NMNAT3: variants seen among roughly 807,000 people sequenced by gnomAD.
NMNAT3 encodes nicotinamide/nicotinic acid mononucleotide adenylyltransferase 3.
A neutral mutation model predicts 24.8 loss-of-function variants in NMNAT3; 21 were observed. That is an observed-to-expected ratio of 0.85 (90% confidence interval 0.60 to 1.22). The LOEUF (loss-of-function observed/expected upper bound fraction) is 1.22, where lower values mean the gene tolerates loss of function less well. Among genes scored for constraint, NMNAT3 ranks in the 50% most tolerant of loss-of-function variants. The probability of loss-of-function intolerance (pLI) is 0.00; values close to 1 mark genes in which losing one functional copy is unlikely to be tolerated. For missense variants in NMNAT3, 387 were observed against 436.6 expected (o/e 0.89, Z 1.01); for synonymous variants, 136 against 155.2 (o/e 0.88, Z 0.92).
chr3:139,606,534 G>A (rs948011177), intron 3 of NMNAT3, among the ~76,000 whole-genome samples: 3 of 152,162 alleles, frequency 2.0e-5, no homozygotes, highest in Non-Finnish European at 4.4e-5. Context: ...CTGCGTATCT[G>A]TAAATAATAT....
At chr3:139,662,040 G>A (rs1009775344) in intron 1 of NMNAT3, among the ~76,000 whole-genome samples, 7 of 152,142 alleles carry the variant, frequency 4.6e-5, no homozygotes, top group African/African-American at 1.7e-4. Context: ...CAAGAAGCAA[G>A]TGTGTCCCAT....
At chr3:139,575,561 T>C (rs1939173868) in intron 5 of NMNAT3, 11 of 992,810 alleles carry the variant, frequency 1.1e-5, no homozygotes, top group Non-Finnish European at 1.3e-5. Context: ...TAAAAGGTGG[T>C]GGTGATTCTC....
intron 5 of NMNAT3, among the ~76,000 whole-genome samples, chr3:139,575,432 A>G (rs1939152609): frequency 6.6e-6 from 1 of 152,056 alleles, no homozygotes. Flanking sequence ...GTATTTTACA[A>G]CCCTTTCTGA....
chr3:139,660,626 T>A (rs2057384846), intron 1 of NMNAT3, among the ~76,000 whole-genome samples: 1 of 152,204 alleles, frequency 6.6e-6, no homozygotes, highest in African/African-American at 2.4e-5. Flanking sequence ...AACCAGAACT[T>A]GGGCAAAACC....
intron 3 of NMNAT3, among the ~76,000 whole-genome samples, chr3:139,607,946 T>C (rs72973903): frequency 2.5e-3 from 380 of 152,338 alleles, no homozygotes; most frequent in African/African-American, 8.3e-3. Context: ...TCTTTAGGAA[T>C]ATTTATACAG....
intron 1 of NMNAT3, among the ~76,000 whole-genome samples, chr3:139,674,406 G>A (rs1288466351): frequency 6.6e-6 from 1 of 152,102 alleles, no homozygotes; most frequent in East Asian, 1.9e-4. Flanking sequence ...GCCATCCTGA[G>A]GCCTGCCCCG....
At chr3:139,624,259 T>C (rs1477516878) in intron 3 of NMNAT3, among the ~76,000 whole-genome samples, 5 of 152,206 alleles carry the variant, frequency 3.3e-5, no homozygotes, top group Non-Finnish European at 7.3e-5. Flanking sequence ...GTTTTCACTT[T>C]CATTGAGTTC....
At chr3:139,641,993 A>G (rs1317254660) in intron 1 of NMNAT3, among the ~76,000 whole-genome samples, 1 of 152,200 alleles carries the variant, frequency 6.6e-6, no homozygotes, top group Non-Finnish European at 1.5e-5. Flanking sequence ...TGAGATGCAA[A>G]AGAAAGTACC....
chr3:139,572,775 G>A (rs1045447779), intron 6 of NMNAT3, among the ~76,000 whole-genome samples: 6 of 152,172 alleles, frequency 3.9e-5, no homozygotes, highest in African/African-American at 1.4e-4. Context: ...TCTCTTTCTT[G>A]TAGAATCACA....
At chr3:139,649,328 A>AACAAACAG (rs1303376292) in intron 1 of NMNAT3, among the ~76,000 whole-genome samples, 7 of 151,718 alleles carry the variant, frequency 4.6e-5, no homozygotes, top group Admixed American at 2.0e-4. Flanking sequence ...AAAGAAAACA[A>AACAAACAG]ACAAACAAAC....
intron 1 of NMNAT3, among the ~76,000 whole-genome samples, chr3:139,665,354 C>A (rs188278257): frequency 6.6e-6 from 1 of 152,276 alleles, no homozygotes; most frequent in African/African-American, 2.4e-5. Flanking sequence ...TGCCTCCCTC[C>A]CTCCTTCTTC....
At chr3:139,578,545 C>G (rs1939662750) in intron 5 of NMNAT3, among the ~76,000 whole-genome samples, 2 of 152,182 alleles carry the variant, frequency 1.3e-5, no homozygotes, top group African/African-American at 4.8e-5. Flanking sequence ...AAATATGTCT[C>G]AGAGGCTTCA....
At chr3:139,591,933 C>A (rs1269136546) in intron 3 of NMNAT3, among the ~76,000 whole-genome samples, 1 of 152,212 alleles carries the variant, frequency 6.6e-6, no homozygotes, top group Non-Finnish European at 1.5e-5. Context: ...CAAAGGAACG[C>A]AGTTCCTCAC....
chr3:139,576,098 G>A (rs1318612981), intron 5 of NMNAT3: 1 of 1,268,982 alleles, frequency 7.9e-7, no homozygotes, highest in East Asian at 5.7e-5. Context: ...ACATCATAGA[G>A]ATGTTTGTTA....
intron 6 of NMNAT3, chr3:139,569,624 A>T (rs1297889725): frequency 1.3e-5 from 2 of 152,142 alleles, no homozygotes; most frequent in Non-Finnish European, 2.9e-5. Context: ...CTGGATATGA[A>T]ATTCTGGGTT....
At chr3:139,606,794 T>C (rs939093509) in intron 3 of NMNAT3, among the ~76,000 whole-genome samples, 2 of 152,220 alleles carry the variant, frequency 1.3e-5, no homozygotes, top group Admixed American at 1.3e-4. Context: ...TCAATATGGA[T>C]TCATGGGTAC....
chr3:139,633,002 C>T (rs572202446), intron 2 of NMNAT3, among the ~76,000 whole-genome samples: 5 of 152,160 alleles, frequency 3.3e-5, no homozygotes, highest in South Asian at 2.1e-4. Flanking sequence ...AAGAAGCAGT[C>T]GTCAGAGAAG....
chr3:139,649,490 A>G (rs1002477754), intron 1 of NMNAT3, among the ~76,000 whole-genome samples: 38 of 152,322 alleles, frequency 2.5e-4, no homozygotes, highest in African/African-American at 9.1e-4. Context: ...CAAAGTCACC[A>G]TTCATTGACT....
At chr3:139,597,009 C>T (rs1401842016) in intron 3 of NMNAT3, among the ~76,000 whole-genome samples, 1 of 140,676 alleles carries the variant, frequency 7.1e-6, no homozygotes, top group Non-Finnish European at 1.5e-5. Context: ...AAATCCCATA[C>T]TTTGATTGGT....
Sources: gnomAD v4.1 joint callset for allele counts (sites outside exome capture counted in the v4.1 genomes callset) on GRCh38, gnomAD v4.1.1 for gene constraint, MANE v1.5 for transcripts, NCBI Gene and HGNC (gene_info 2026-07-23, HGNC 2026-07-21) for gene names.